TRMT9B: variants seen among roughly 807,000 people sequenced by gnomAD.
The protein encoded by TRMT9B is probable tRNA methyltransferase 9B.
TRMT9B carries 16 observed loss-of-function variants against 11.5 expected under a neutral mutation model. That is an observed-to-expected ratio of 1.39 (90% CI 0.94 to 2.11). TRMT9B has a LOEUF of 2.11. Among genes scored for constraint, TRMT9B ranks in the 30% most tolerant of loss-of-function variants. The probability of loss-of-function intolerance (pLI) is 0.00; values close to 1 mark genes in which losing one functional copy is unlikely to be tolerated. For missense variants in TRMT9B, 941 were observed against 553.8 expected, an observed-to-expected ratio of 1.70 and a Z score of -7.02; for synonymous variants, 274 against 192.4, an observed-to-expected ratio of 1.42 and a Z score of -3.51.
chr8:12,951,589 G>C (rs1053743789), intron 1 of TRMT9B: 1 of 152,170 alleles, frequency 6.6e-6, no homozygotes, highest in Non-Finnish European at 1.5e-5. Flanking sequence ...GCGGGGAGGC[G>C]ACAGTCCCCG....
At position 12,989,711 on chromosome 8, in the gene TRMT9B, T is replaced by G. The variant is rs558880639; in HGVS notation, c.-199-1123T>G. Among the ~76,000 whole-genome samples, 15 of 152,330 alleles carry G rather than the reference T, an allele frequency of 9.8e-5. 1 individual carries two copies. Among genetic ancestry groups the G allele is most frequent in the Middle Eastern group, 6.8e-3 (2 of 294 alleles). On this transcript the variant is annotated intron_variant, in intron 1 of 4. Coordinates refer to ENST00000524591, the MANE Select transcript of TRMT9B (RefSeq NM_020844.3). The stretch of plus-strand genomic sequence containing the variant: ...CAGGGTAAGTCCGAACAGAGAATCT[T>G]TAGCTTTACCCTGTCATAGGGACTC...
intron 2 of TRMT9B, among the ~76,000 whole-genome samples, chr8:13,001,646 A>C (rs1809476913): frequency 6.6e-6 from 1 of 152,224 alleles, no homozygotes; most frequent in East Asian, 1.9e-4. Context: ...GTTTAAAGAC[A>C]GAAAGAGTAT....
intron 1 of TRMT9B, among the ~76,000 whole-genome samples, chr8:12,984,184 A>G (rs1805877480): frequency 6.6e-6 from 1 of 152,230 alleles, no homozygotes; most frequent in African/African-American, 2.4e-5. Context: ...ATAAGGTATT[A>G]TGAAACAACC....
chr8:12,971,445 T>C (rs1803612585), intron 1 of TRMT9B, among the ~76,000 whole-genome samples: 1 of 152,182 alleles, frequency 6.6e-6, no homozygotes, highest in Admixed American at 6.5e-5. Context: ...ACTTTTGAAG[T>C]TTTCTTTGTG....
chr8:12,993,421 G>T (rs183714332), intron 2 of TRMT9B, among the ~76,000 whole-genome samples: 19 of 152,326 alleles, frequency 1.2e-4, no homozygotes, highest in Admixed American at 7.8e-4. Flanking sequence ...ACCTTTTACT[G>T]TAAGAATGTA....
intron 2 of TRMT9B, among the ~76,000 whole-genome samples, chr8:12,994,943 A>G (rs1452512510): frequency 3.9e-5 from 6 of 152,156 alleles, no homozygotes; most frequent in African/African-American, 2.4e-5. Flanking sequence ...CGGCCTCCCA[A>G]AGTGCTGGAA....
chr8:12,982,070 G>GT (rs1434019420), intron 1 of TRMT9B, among the ~76,000 whole-genome samples: 1 of 152,128 alleles, frequency 6.6e-6, no homozygotes, highest in Non-Finnish European at 1.5e-5. Context: ...TACAATATCT[G>GT]TATCTATCTA....
intron 3 of TRMT9B, among the ~76,000 whole-genome samples, chr8:13,008,789 C>T (rs1415164245): frequency 2.6e-5 from 4 of 152,068 alleles, no homozygotes; most frequent in Non-Finnish European, 4.4e-5. Context: ...AGTGCAGGGG[C>T]GCCATCTCGG....
At chr8:13,011,509 C>G (rs554250401) in intron 3 of TRMT9B, 2 of 967,120 alleles carry the variant, frequency 2.1e-6, no homozygotes, top group Non-Finnish European at 2.5e-6. Flanking sequence ...CAAATATAGG[C>G]TCTAATGATT....
chr8:13,023,070 A>T lies in TRMT9B; in HGVS notation c.*1026A>T, dbSNP rs1263919870. 1.2e-5 allele frequency: 2 copies of T among 167,096 alleles called. No individual in the cohort carries two copies. The highest frequency in any genetic ancestry group is 2.9e-5 in the Non-Finnish European group (2 of 68,120). The allele number at this position is 167,096 out of a possible 1,614,324, so 10.4% of individuals were successfully genotyped here. A position where few individuals can be genotyped will look rare whatever the true frequency, so the allele number is the denominator to read the frequency against. On this transcript the variant is annotated 3_prime_UTR_variant, in exon 5 of 5. Coordinates refer to ENST00000524591, the MANE Select transcript of TRMT9B (RefSeq NM_020844.3). The stretch of plus-strand genomic sequence containing the variant: ...AGTAGGAGTTATATGCAAGTACCCA[A>T]GTGGTATTCTTCCAATCTTATTAGA...
chr8:12,963,348 G>T (rs1010986532), intron 1 of TRMT9B, among the ~76,000 whole-genome samples: 1 of 152,138 alleles, frequency 6.6e-6, no homozygotes, highest in Admixed American at 6.5e-5. Flanking sequence ...CAGGAGAATT[G>T]CTTGAACCTG....
intron 1 of TRMT9B, among the ~76,000 whole-genome samples, chr8:12,954,546 T>G (rs1801052580): frequency 6.6e-6 from 1 of 152,226 alleles, no homozygotes; most frequent in Non-Finnish European, 1.5e-5. Flanking sequence ...TATAATGCAT[T>G]ATTGAAATTA....
At chr8:12,950,392 A>G (rs1168396610) in intron 1 of TRMT9B, among the ~76,000 whole-genome samples, 2 of 152,190 alleles carry the variant, frequency 1.3e-5, no homozygotes, top group East Asian at 3.8e-4. Context: ...TTAGAAGAGG[A>G]CAAGGAACAT....
At chr8:12,954,656 A>C (rs1288237836) in intron 1 of TRMT9B, among the ~76,000 whole-genome samples, 1 of 152,234 alleles carries the variant, frequency 6.6e-6, no homozygotes, top group African/African-American at 2.4e-5. Context: ...ATAACTGGAG[A>C]ATTCATTTAA....
intron 1 of TRMT9B, among the ~76,000 whole-genome samples, chr8:12,947,658 G>T (rs993646559): frequency 6.6e-6 from 1 of 152,204 alleles, no homozygotes; most frequent in East Asian, 1.9e-4. Context: ...AGCCAATGAG[G>T]ATAAGTAAAA....
chr8:12,968,701 C>T (rs1376414529), intron 1 of TRMT9B, among the ~76,000 whole-genome samples: 1 of 152,144 alleles, frequency 6.6e-6, no homozygotes, highest in Admixed American at 6.5e-5. Flanking sequence ...GTCCAGAAGG[C>T]CCCTCCCTGA....
chr8:13,010,155 C>A, intron 3 of TRMT9B: 6 of 664,998 alleles, frequency 9.0e-6, no homozygotes, highest in South Asian at 6.8e-5. Flanking sequence ...AAAAAAAAGT[C>A]TCACAAATAA....
At chr8:13,005,085 C>CAAAAAAAAAAA (rs1223540759) in intron 2 of TRMT9B, among the ~76,000 whole-genome samples, 1 of 87,704 alleles carries the variant, frequency 1.1e-5, no homozygotes. Flanking sequence ...GACTGCATCT[C>CAAAAAAAAAAA]AAAAAAAAAA....
At chr8:12,956,684 A>G (rs1446189164) in intron 1 of TRMT9B, among the ~76,000 whole-genome samples, 1 of 152,240 alleles carries the variant, frequency 6.6e-6, no homozygotes, top group Non-Finnish European at 1.5e-5. Context: ...TAGATGAATT[A>G]TCTGTGTTTT....
Sources: gnomAD v4.1 joint callset for allele counts (sites outside exome capture counted in the v4.1 genomes callset) on GRCh38, gnomAD v4.1.1 for gene constraint, MANE v1.5 for transcripts, NCBI Gene and HGNC (gene_info 2026-07-23, HGNC 2026-07-21) for gene names.